ANKS1B: variants seen among roughly 807,000 people sequenced by gnomAD.
ANKS1B encodes ankyrin repeat and sterile alpha motif domain containing 1B.
ANKS1B carries 36 observed loss-of-function variants against 148.3 expected under a neutral mutation model. The observed-to-expected ratio is 0.24, with a 90% CI of 0.19 to 0.32. The LOEUF is 0.32. Ranked by LOEUF, ANKS1B falls within the 10% of genes least tolerant of loss-of-function variation. The probability of loss-of-function intolerance (pLI) is 1.00; values close to 1 mark genes in which losing one functional copy is unlikely to be tolerated. For synonymous variants in ANKS1B, 542 were observed against 560.8 expected, an observed-to-expected ratio of 0.97 and a Z score of 0.47; for missense variants, 1,157 against 1,542.6, an observed-to-expected ratio of 0.75 and a Z score of 4.19.
At position 98,809,988 on chromosome 12, in the gene ANKS1B, C is replaced by T. The variant is rs76480525; in HGVS notation, c.3067-2070G>A. Among the ~76,000 whole-genome samples the T allele has an allele frequency of 3.6e-4, 55 of 152,312 alleles. No homozygotes were observed. The East Asian group carries it at 9.3e-3, about 26-fold the overall frequency. On this transcript the variant is annotated intron_variant, in intron 19 of 26. Coordinates refer to ENST00000683438, the MANE Select transcript of ANKS1B (RefSeq NM_001352186.2). The stretch of plus-strand genomic sequence containing the variant: ...GCCATGCTAGGCAAAGGTTAAGTCA[C>T]GCACCCCTATACCTAAAGAATAAAC...
intron 17 of ANKS1B, among the ~76,000 whole-genome samples, chr12:98,903,998 T>C (rs946387447): frequency 6.6e-6 from 1 of 152,154 alleles, no homozygotes; most frequent in African/African-American, 2.4e-5. Context: ...AGAGACCCTG[T>C]GCTATGTTAT....
chr12:99,635,398 C>T (rs1213789638), intron 9 of ANKS1B, among the ~76,000 whole-genome samples: 3 of 152,130 alleles, frequency 2.0e-5, no homozygotes, highest in Non-Finnish European at 4.4e-5. Context: ...ATGGTATATA[C>T]ACACAATGGA....
chr12:99,253,205 AAC>A (rs2074844940), intron 12 of ANKS1B, among the ~76,000 whole-genome samples: 1 of 151,958 alleles, frequency 6.6e-6, no homozygotes, highest in Non-Finnish European at 1.5e-5. Context: ...TAGTCTGGGC[AAC>A]AGAGTGAGAC....
At chr12:98,940,020 G>A (rs1424640854) in intron 17 of ANKS1B, among the ~76,000 whole-genome samples, 1 of 152,188 alleles carries the variant, frequency 6.6e-6, no homozygotes, top group Admixed American at 6.5e-5. Context: ...GGCACAGGGA[G>A]GGAGTTTTGA....
At position 98,833,515 on chromosome 12, in the gene ANKS1B, C is replaced by T. The variant is rs748085645; in HGVS notation, c.2779-1379G>A. ...TATCCCATGTGTACATTTTTCTCTT[C>T]TCTTTTCAAGTTTTAAGATAGAAGG... On this transcript the variant is annotated intron_variant, in intron 17 of 26. Transcript: ENST00000683438. Among the ~76,000 whole-genome samples the T allele has an allele frequency of 1.9e-4, 29 of 152,230 alleles. 1 individual carries two copies. The highest frequency in any genetic ancestry group is 6.2e-4 in the South Asian group (3 of 4,822).
chr12:99,780,439 C>T (rs561336346), intron 5 of ANKS1B, among the ~76,000 whole-genome samples: 2 of 121,672 alleles, frequency 1.6e-5, no homozygotes, highest in South Asian at 5.4e-4. Flanking sequence ...CCATGCCCAA[C>T]TAATTTTTTT....
intron 17 of ANKS1B, among the ~76,000 whole-genome samples, chr12:98,937,721 C>A (rs143825906): frequency 1.3e-5 from 2 of 151,850 alleles, no homozygotes; most frequent in African/African-American, 4.8e-5. Context: ...ATTTACTAGT[C>A]TGTAGATCTC....
At chr12:99,322,525 T>C (rs1453950672) in intron 12 of ANKS1B, among the ~76,000 whole-genome samples, 3 of 148,168 alleles carry the variant, frequency 2.0e-5, no homozygotes, top group Non-Finnish European at 4.5e-5. Context: ...ACAAAAGATA[T>C]GTCTCATACA....
At chr12:99,052,949 T>C (rs557596804) in intron 17 of ANKS1B, among the ~76,000 whole-genome samples, 6 of 152,084 alleles carry the variant, frequency 3.9e-5, no homozygotes, top group African/African-American at 1.4e-4. Context: ...TAATGCAAAA[T>C]ACCCTGGGAG....
chr12:99,888,888 CAGT>C (rs1231035515), intron 1 of ANKS1B, among the ~76,000 whole-genome samples: 1 of 151,728 alleles, frequency 6.6e-6, no homozygotes, highest in Non-Finnish European at 1.5e-5. Context: ...AACAATATCT[CAGT>C]GGTTTCAGCA....
intron 14 of ANKS1B, among the ~76,000 whole-genome samples, chr12:99,188,534 A>G (rs1179111008): frequency 6.6e-6 from 1 of 152,254 alleles, no homozygotes; most frequent in Non-Finnish European, 1.5e-5. Flanking sequence ...ACTCAGGATT[A>G]AGAAACTCAC....
At chr12:99,770,860 A>T (rs562440067) in intron 8 of ANKS1B, among the ~76,000 whole-genome samples, 1 of 152,210 alleles carries the variant, frequency 6.6e-6, no homozygotes, top group Admixed American at 6.5e-5. Flanking sequence ...TTAATATTTT[A>T]TAGGGAAATA....
intron 10 of ANKS1B, among the ~76,000 whole-genome samples, chr12:99,473,291 A>C (rs2096269846): frequency 1.3e-5 from 2 of 151,960 alleles, no homozygotes; most frequent in African/African-American, 4.8e-5. Flanking sequence ...TTATAATCCT[A>C]CTGTTTTATT....
chr12:98,990,437 TG>T (rs2099925896), intron 17 of ANKS1B, among the ~76,000 whole-genome samples: 2 of 151,944 alleles, frequency 1.3e-5, no homozygotes, highest in South Asian at 2.1e-4. Flanking sequence ...CAAGAGTCAA[TG>T]TTTTTTTTCT....
At chr12:99,119,530 GTTCA>G (rs2153721781) in intron 15 of ANKS1B, among the ~76,000 whole-genome samples, 1 of 152,244 alleles carries the variant, frequency 6.6e-6, no homozygotes, top group South Asian at 2.1e-4. Flanking sequence ...CTGAACTTTG[GTTCA>G]TTCCTTCATA....
chr12:99,872,831 T>C (rs1212224319), intron 1 of ANKS1B, among the ~76,000 whole-genome samples: 1 of 152,162 alleles, frequency 6.6e-6, no homozygotes, highest in Non-Finnish European at 1.5e-5. Flanking sequence ...AGGGAAATTA[T>C]ATAGATACAC....
Position 98,745,677 on chromosome 12 carries a change from G to A in ANKS1B, c.*62C>T. On this transcript the variant is annotated 3_prime_UTR_variant, in exon 27 of 27. Coordinates refer to ENST00000683438, the MANE Select transcript of ANKS1B (RefSeq NM_001352186.2). The stretch of plus-strand genomic sequence containing the variant: ...GCTGGGTGGACGCGGAGGCGCGAAG[G>A]AAAGCCTGCTCCGGGACCGCTTGGC... The A allele has an allele frequency of 1.3e-6, 2 of 1,593,852 alleles. No individual in the cohort carries two copies. Among genetic ancestry groups the A allele is most frequent in the Non-Finnish European group, 1.7e-6 (2 of 1,169,756 alleles).
intron 9 of ANKS1B, among the ~76,000 whole-genome samples, chr12:99,536,157 G>A (rs1184363577): frequency 1.3e-5 from 2 of 152,156 alleles, no homozygotes; most frequent in Admixed American, 6.5e-5. Context: ...TTCTTAAGAT[G>A]TTAGTCAAAA....
At position 99,799,524 on chromosome 12, in the gene ANKS1B, G is replaced by A. The variant is rs1470449469; in HGVS notation, c.669+6880C>T. ...TCCCTACTAGTCTATAACTCCATGG[G>A]AGCAGGAAACAAATTTTCTTCCTCC... is the stretch of plus-strand genomic sequence containing the variant. On this transcript the variant is annotated intron_variant, in intron 4 of 26. Coordinates refer to ENST00000683438, the MANE Select transcript of ANKS1B (RefSeq NM_001352186.2). Among the ~76,000 whole-genome samples the A allele has an allele frequency of 5.3e-5, 8 of 152,210 alleles. No homozygotes were observed. In the South Asian group the frequency reaches 1.2e-3, roughly 24 times the overall value.
Sources: gnomAD v4.1 joint callset for allele counts (sites outside exome capture counted in the v4.1 genomes callset) on GRCh38, gnomAD v4.1.1 for gene constraint, MANE v1.5 for transcripts, NCBI Gene and HGNC (gene_info 2026-07-23, HGNC 2026-07-21) for gene names.